The following AGBL4 variants were observed in gnomAD, a reference collection of about 807,000 sequenced individuals.
AGBL4 encodes the protein AGBL carboxypeptidase 4, also known as cytosolic carboxypeptidase 6.
AGBL4 carries 58 observed loss-of-function variants against 66.4 expected under a neutral mutation model. That is an observed-to-expected ratio of 0.87 (90% confidence interval 0.71 to 1.09). The LOEUF (loss-of-function observed/expected upper bound fraction) is 1.09, where lower values mean the gene tolerates loss of function less well. AGBL4 is among the 50% of genes least tolerant of loss of function. The probability of loss-of-function intolerance (pLI) is 0.00; values close to 1 mark genes in which losing one functional copy is unlikely to be tolerated. For synonymous variants in AGBL4, 234 were observed against 222.9 expected, an observed-to-expected ratio of 1.05 and a Z score of -0.44; for missense variants, 579 against 631.0, an observed-to-expected ratio of 0.92 and a Z score of 0.88.
intron 3 of AGBL4, among the ~76,000 whole-genome samples, chr1:49,259,900 C>A (rs1420523736): frequency 5.6e-5 from 8 of 141,620 alleles, no homozygotes; most frequent in Admixed American, 2.9e-4. Flanking sequence ...TGACCACATA[C>A]TTGGAAGTAA....
intron 1 of AGBL4, among the ~76,000 whole-genome samples, chr1:49,923,635 C>T (rs1240077369): frequency 1.3e-5 from 2 of 151,776 alleles, no homozygotes; most frequent in African/African-American, 4.8e-5. Flanking sequence ...AAAATAACCC[C>T]ATTAAAAAGT....
At chr1:49,140,801 T>C (rs1646103229) in intron 4 of AGBL4, among the ~76,000 whole-genome samples, 1 of 152,240 alleles carries the variant, frequency 6.6e-6, no homozygotes, top group African/African-American at 2.4e-5. Context: ...TCTTTTATTT[T>C]TAGGCTTAAA....
At chr1:48,871,830 G>A (rs1040284546) in intron 5 of AGBL4, among the ~76,000 whole-genome samples, 34 of 152,014 alleles carry the variant, frequency 2.2e-4, no homozygotes, top group African/African-American at 7.7e-4. Context: ...CCCATGCATC[G>A]AGTGAATGCT....
intron 2 of AGBL4, among the ~76,000 whole-genome samples, chr1:49,723,741 T>C (rs1648788193): frequency 6.6e-6 from 1 of 152,170 alleles, no homozygotes. Flanking sequence ...GCAAAGTGAT[T>C]GAAAACACTA....
intron 2 of AGBL4, among the ~76,000 whole-genome samples, chr1:49,805,583 A>G (rs1221257226): frequency 6.6e-6 from 1 of 152,240 alleles, no homozygotes; most frequent in African/African-American, 2.4e-5. Flanking sequence ...TGCTGAGGTG[A>G]TGTCCTTGAG....
At chr1:49,678,340 T>C (rs1646621019) in intron 3 of AGBL4, among the ~76,000 whole-genome samples, 1 of 152,060 alleles carries the variant, frequency 6.6e-6, no homozygotes, top group Admixed American at 6.6e-5. Context: ...ATAATGTGTG[T>C]CTTTTTGTGT....
chr1:49,837,296 T>C (rs954085693), intron 2 of AGBL4, among the ~76,000 whole-genome samples: 1 of 152,174 alleles, frequency 6.6e-6, no homozygotes, highest in Non-Finnish European at 1.5e-5. Context: ...CTATAGCCAC[T>C]TTGCTGAGCT....
rs1005310622 is a variant in AGBL4 at position 48,599,033 on chromosome 1, A to G, written c.952-8048T>C. On this transcript the variant is annotated intron_variant, in intron 9 of 13. Transcript: ENST00000371839. ...TTTTTTGTTGAAAACTAAGGCACAA[A>G]CACAAACATGAGCCGAGAGCTACAT... Among the ~76,000 whole-genome samples, 7 of 151,950 alleles carry G rather than the reference A, an allele frequency of 4.6e-5. No homozygotes were observed. In the East Asian group the frequency reaches 1.2e-3, roughly 25 times the overall value.
chr1:49,180,701 G>A (rs1040013217), intron 4 of AGBL4, among the ~76,000 whole-genome samples: 3 of 152,154 alleles, frequency 2.0e-5, no homozygotes, highest in Admixed American at 2.0e-4. Flanking sequence ...AGAAGGGGGT[G>A]GCAACAAGGA....
At chr1:49,881,146 G>C (rs1336595327) in intron 1 of AGBL4, among the ~76,000 whole-genome samples, 1 of 152,116 alleles carries the variant, frequency 6.6e-6, no homozygotes, top group Non-Finnish European at 1.5e-5. Flanking sequence ...GGGAGCTGTA[G>C]ACCAGAGCTG....
At chr1:49,580,163 A>G (rs1644513942) in intron 3 of AGBL4, among the ~76,000 whole-genome samples, 1 of 152,156 alleles carries the variant, frequency 6.6e-6, no homozygotes, top group Non-Finnish European at 1.5e-5. Flanking sequence ...TTTCTATGGA[A>G]TATCGTTTTC....
chr1:49,381,879 G>A (rs1458875758), intron 3 of AGBL4, among the ~76,000 whole-genome samples: 2 of 151,322 alleles, frequency 1.3e-5, no homozygotes, highest in East Asian at 3.9e-4. Context: ...ATAGCTTTAG[G>A]ATATATACCT....
chr1:49,398,107 A>G (rs1248628543), intron 3 of AGBL4, among the ~76,000 whole-genome samples: 1 of 152,236 alleles, frequency 6.6e-6, no homozygotes, highest in African/African-American at 2.4e-5. Flanking sequence ...ATGGTTAATT[A>G]TATGTGTCAA....
chr1:48,829,037 C>A (rs1646492264), intron 6 of AGBL4, among the ~76,000 whole-genome samples: 1 of 152,138 alleles, frequency 6.6e-6, no homozygotes, highest in African/African-American at 2.4e-5. Flanking sequence ...CATTCTGAGT[C>A]TGGAACTAGA....
At chr1:49,882,708 G>A (rs910195239) in intron 1 of AGBL4, among the ~76,000 whole-genome samples, 1 of 151,988 alleles carries the variant, frequency 6.6e-6, no homozygotes, top group South Asian at 2.1e-4. Context: ...TTGGTGTATA[G>A]GAATGCTTGT....
At chr1:49,562,508 G>A (rs1644075642) in intron 3 of AGBL4, among the ~76,000 whole-genome samples, 1 of 152,112 alleles carries the variant, frequency 6.6e-6, no homozygotes, top group African/African-American at 2.4e-5. Flanking sequence ...AAGGGATCCA[G>A]TTTCAGCTTT....
At chr1:49,718,762 T>C (rs1322382552) in intron 2 of AGBL4, among the ~76,000 whole-genome samples, 1 of 152,112 alleles carries the variant, frequency 6.6e-6, no homozygotes, top group Non-Finnish European at 1.5e-5. Context: ...TTGTCTGTAT[T>C]TTCTTCTTTA....
chr1:49,367,122 GAAAC>G (rs1359685449), intron 3 of AGBL4, among the ~76,000 whole-genome samples: 3 of 152,218 alleles, frequency 2.0e-5, no homozygotes, highest in Non-Finnish European at 4.4e-5. Flanking sequence ...AACAAACAAA[GAAAC>G]AAACAAAAAG....
intron 3 of AGBL4, among the ~76,000 whole-genome samples, chr1:49,508,756 G>A (rs1648923801): frequency 6.6e-6 from 1 of 151,834 alleles, no homozygotes; most frequent in South Asian, 2.1e-4. Context: ...CATCTCACAT[G>A]ATTATTGTGA....
Sources: gnomAD v4.1 joint callset for allele counts (sites outside exome capture counted in the v4.1 genomes callset) on GRCh38, gnomAD v4.1.1 for gene constraint, MANE v1.5 for transcripts, NCBI Gene and HGNC (gene_info 2026-07-23, HGNC 2026-07-21) for gene names.